The following KCNA6 variants were observed in gnomAD, a reference collection of about 807,000 sequenced individuals.
The protein encoded by KCNA6 is potassium voltage-gated channel subfamily A member 6.
KCNA6 carries 17 observed loss-of-function variants against 29.5 expected under a neutral mutation model. The observed-to-expected ratio is 0.58, with a 90% CI of 0.39 to 0.86. The LOEUF (loss-of-function observed/expected upper bound fraction) is 0.86, where lower values mean the gene tolerates loss of function less well. Ranked by LOEUF, KCNA6 falls within the 40% of genes least tolerant of loss-of-function variation. The probability of loss-of-function intolerance (pLI) is 0.00; values close to 1 mark genes in which losing one functional copy is unlikely to be tolerated. For synonymous variants in KCNA6, 296 were observed against 304.7 expected, an observed-to-expected ratio of 0.97 and a Z score of 0.30; for missense variants, 450 against 703.4, an observed-to-expected ratio of 0.64 and a Z score of 4.07.
the KCNA6 span, among the ~76,000 whole-genome samples, chr12:4,836,366 G>C: frequency 1.3e-5 from 2 of 152,278 alleles, no homozygotes; most frequent in East Asian, 3.9e-4. Flanking sequence ...AGGTGGTCTG[G>C]GTAAGTGAGG....
chr12:4,848,211 G>A, the KCNA6 span, among the ~76,000 whole-genome samples: 1 of 150,732 alleles, frequency 6.6e-6, no homozygotes, highest in Non-Finnish European at 1.5e-5. Flanking sequence ...GTGTCCACCT[G>A]CAACCAGTTT....
At chr12:4,820,411 C>T in the KCNA6 span, among the ~76,000 whole-genome samples, 4 of 151,882 alleles carry the variant, frequency 2.6e-5, no homozygotes, top group South Asian at 4.2e-4. Flanking sequence ...AAGAAGGAGA[C>T]TGATGCAGAG....
the KCNA6 span, among the ~76,000 whole-genome samples, chr12:4,844,874 TTTG>T: frequency 6.6e-6 from 1 of 152,220 alleles, no homozygotes; most frequent in Non-Finnish European, 1.5e-5. This position sits in a 1 kb window ranked among gnomAD's most constrained non-coding sequence, Gnocchi z 4.0. Flanking sequence ...TTGTAAACAT[TTTG>T]TTAATAATTG....
chr12:4,827,198 T>C, the KCNA6 span, among the ~76,000 whole-genome samples: 39 of 76,986 alleles, frequency 5.1e-4, no homozygotes, highest in Admixed American at 1.8e-3. Flanking sequence ...CCTTCCTTCC[T>C]TCCTTCCCTC....
chr12:4,822,573 G>T, the KCNA6 span, among the ~76,000 whole-genome samples: 5,419 of 152,286 alleles, frequency 0.036, 108 homozygotes, highest in South Asian at 0.045. Context: ...GCAGGCAGGG[G>T]AATGTGTGAT....
the KCNA6 span, among the ~76,000 whole-genome samples, chr12:4,831,605 T>TG: frequency 1.4e-4 from 21 of 152,192 alleles, no homozygotes; most frequent in Non-Finnish European, 2.8e-4. Context: ...CAAAAAGAAT[T>TG]GGGGTCCTGA....
At chr12:4,818,425 C>T in the KCNA6 span, among the ~76,000 whole-genome samples, 1 of 152,144 alleles carries the variant, frequency 6.6e-6, no homozygotes, top group Non-Finnish European at 1.5e-5. Flanking sequence ...GCCTCAGTTT[C>T]TTTCTCTGTC....
the KCNA6 span, among the ~76,000 whole-genome samples, chr12:4,849,590 C>T: frequency 1.3e-4 from 20 of 148,342 alleles, no homozygotes; most frequent in Middle Eastern, 3.2e-3. Context: ...GTGAGTCTGA[C>T]GCCAGACAGT....
chr12:4,842,012 CGTGTGTGTGTGT>C, the KCNA6 span, among the ~76,000 whole-genome samples: 690 of 124,972 alleles, frequency 5.5e-3, 4 homozygotes, highest in African/African-American at 8.9e-3. Context: ...ATGGAGCTTA[CGTGTGTGTGTGT>C]GTGTGTGTGT....
chr12:4,849,516 T>A, the KCNA6 span, among the ~76,000 whole-genome samples: 66 of 101,348 alleles, frequency 6.5e-4, no homozygotes, highest in African/African-American at 2.2e-3. Context: ...TTTTTTTTTT[T>A]ACCACTTTGC....
chr12:4,830,404 C>A, the KCNA6 span, among the ~76,000 whole-genome samples: 1 of 152,230 alleles, frequency 6.6e-6, no homozygotes, highest in South Asian at 2.1e-4. Flanking sequence ...CCCCTGCATC[C>A]CACCGCGGAT....
chr12:4,809,796 C>G, exon 1 of KCNA6: 1 of 461,542 alleles, frequency 2.2e-6, no homozygotes, highest in Non-Finnish European at 3.8e-6. Context: ...CTCTAGCACC[C>G]GGGCGCGGGT....
the KCNA6 span, among the ~76,000 whole-genome samples, chr12:4,828,898 T>C: frequency 6.6e-6 from 1 of 152,180 alleles, no homozygotes; most frequent in African/African-American, 2.4e-5. Flanking sequence ...CTGCAAATAA[T>C]GCTAGAACGG....
downstream of KCNA6, among the ~76,000 whole-genome samples, chr12:4,815,355 G>C (rs1036072819): frequency 6.6e-6 from 1 of 152,188 alleles, no homozygotes; most frequent in African/African-American, 2.4e-5. Context: ...GGCAAGTCCT[G>C]AACCTGCCAA....
At chr12:4,848,564 T>C in the KCNA6 span, among the ~76,000 whole-genome samples, 2 of 152,010 alleles carry the variant, frequency 1.3e-5, no homozygotes, top group African/African-American at 4.8e-5. Flanking sequence ...GATGGAGTTT[T>C]GCTCTTGTTG....
At chr12:4,812,350 C>T (rs1215692695) in exon 1 of KCNA6, 1 of 167,214 alleles carries the variant, frequency 6.0e-6, no homozygotes, top group African/African-American at 2.4e-5. Flanking sequence ...TTTAGTTCTC[C>T]CCACTCTGAT....
At chr12:4,820,010 A>C in the KCNA6 span, among the ~76,000 whole-genome samples, 1 of 152,170 alleles carries the variant, frequency 6.6e-6, no homozygotes, top group Non-Finnish European at 1.5e-5. Flanking sequence ...CCAAACACCC[A>C]TCCGAGAGTG....
At chr12:4,829,716 T>C in the KCNA6 span, among the ~76,000 whole-genome samples, 2 of 151,580 alleles carry the variant, frequency 1.3e-5, no homozygotes, top group Non-Finnish European at 2.9e-5. Context: ...AAAAAAAAAG[T>C]CTCTAGAGGT....
At chr12:4,824,772 A>C in the KCNA6 span, among the ~76,000 whole-genome samples, 2 of 152,230 alleles carry the variant, frequency 1.3e-5, no homozygotes, top group African/African-American at 4.8e-5. Context: ...TAAGGTCAAC[A>C]CTTTTCTTTG....
Sources: allele counts gnomAD v4.1 joint callset (sites outside exome capture counted in the v4.1 genomes callset), GRCh38; gene constraint gnomAD v4.1.1; non-coding constraint Gnocchi (gnomAD v3.1); transcripts MANE v1.5; gene names NCBI Gene and HGNC (gene_info 2026-07-23, HGNC 2026-07-21).